SLC12A7: variants seen among roughly 807,000 people sequenced by gnomAD.
The protein encoded by SLC12A7 is K-Cl cotransporter 4.
Under a neutral mutation model 120.6 loss-of-function variants are expected in SLC12A7, and 100 were observed. That is an observed-to-expected ratio of 0.83 (90% CI 0.71 to 0.98). The LOEUF is 0.98. Among genes scored for constraint, SLC12A7 ranks in the 50% least tolerant of loss-of-function variants. The pLI is 0.00. For missense variants in SLC12A7, 1,373 were observed against 1,548.1 expected (o/e 0.89, Z 1.90); for synonymous variants, 760 against 678.0 (o/e 1.12, Z -1.88).
chr5:1,080,419 G>A (rs1403888974), intron 9 of SLC12A7, among the ~76,000 whole-genome samples: 1 of 152,230 alleles, frequency 6.6e-6, no homozygotes, highest in African/African-American at 2.4e-5. Context: ...CCCCTCCATA[G>A]CAAGACGGGC....
chr5:1,116,430 G>T (rs532100034), upstream of SLC12A7, among the ~76,000 whole-genome samples: 19 of 152,336 alleles, frequency 1.2e-4, no homozygotes, highest in Non-Finnish European at 2.1e-4. Flanking sequence ...TACATCCCAT[G>T]GAGCTGAATC....
In SLC12A7 at chr5:1,056,570, G is replaced by C. The variant is rs529295146; in HGVS notation, c.3026+901C>G. 3.0e-6 allele frequency: 3 copies of C among 985,376 alleles called. No homozygotes were observed. In the East Asian group the frequency reaches 3.4e-4, roughly 112 times the overall value. The allele number at this position is 985,376 out of a possible 1,614,324, so 61.0% of individuals were successfully genotyped here. On this transcript the variant is annotated intron_variant, in intron 22 of 23. Coordinates refer to ENST00000264930, the MANE Select transcript of SLC12A7 (RefSeq NM_006598.3). The stretch of plus-strand genomic sequence containing the variant: ...GCCCGGAAGGCGACCTGGTTGTAGC[G>C]AGTGGACTTACAGGTTTCCCCATTC...
rs142474121 is a variant in SLC12A7 at position 1,089,003 on chromosome 5, G to A, written c.468C>T (p.Ile156=). 15 of 1,612,826 alleles carry A rather than the reference G, an allele frequency of 9.3e-6. No individual in the cohort carries two copies. Among genetic ancestry groups the A allele is most frequent in the East Asian group, 2.2e-5 (1 of 44,896 alleles). Reference sequence around the variant, plus strand: ...TCACACATGTGCAGCACATGGCCACGATGAGGAAGGACTCCAGGACACCAG... The same window carrying A: ...TCACACATGTGCAGCACATGGCCACAATGAGGAAGGACTCCAGGACACCAG... ...GVAGVLESFL[I]VAMCCTCTML... The change falls in exon 4 of 24, where the codon ATC becomes ATT. Residue 156 remains isoleucine (I), a synonymous_variant. Transcript: ENST00000264930.
At chr5:1,102,922 G>A (rs1004819020) in intron 1 of SLC12A7, among the ~76,000 whole-genome samples, 3 of 151,898 alleles carry the variant, frequency 2.0e-5, no homozygotes, top group South Asian at 2.1e-4. Context: ...GTGAAGGCGC[G>A]AGGACCCAGG....
chr5:1,057,367 G>C (rs1483168386), intron 22 of SLC12A7, 104 bp downstream of exon 22: 2 of 1,234,080 alleles, frequency 1.6e-6, no homozygotes, highest in Non-Finnish European at 2.2e-6. Flanking sequence ...GGCCTGCAGG[G>C]TTGCCCCGAA....
At chr5:1,125,581 C>T in the SLC12A7 span, among the ~76,000 whole-genome samples, 440 of 152,014 alleles carry the variant, frequency 2.9e-3, 1 homozygote, top group African/African-American at 0.01. Context: ...AATTGGATCC[C>T]AATTACTTTG....
intron 1 of SLC12A7, among the ~76,000 whole-genome samples, chr5:1,099,505 G>GACATCAACCCAGCCCCGA (rs1741780680): frequency 5.3e-5 from 8 of 151,668 alleles, no homozygotes; most frequent in South Asian, 2.1e-4. Context: ...CCGGGGGACG[G>GACATCAACCCAGCCCCGA]CAGGCATCCT....
At chr5:1,054,878 C>T (rs948451592) in intron 22 of SLC12A7, among the ~76,000 whole-genome samples, 1 of 152,222 alleles carries the variant, frequency 6.6e-6, no homozygotes. Flanking sequence ...AAGGGGCTTT[C>T]GTGCCAGGAA....
the SLC12A7 span, among the ~76,000 whole-genome samples, chr5:1,125,622 C>T: frequency 2.0e-5 from 3 of 152,114 alleles, no homozygotes; most frequent in African/African-American, 7.2e-5. Flanking sequence ...ATATATCAAA[C>T]ATGGTTAAAA....
the SLC12A7 span, among the ~76,000 whole-genome samples, chr5:1,132,689 A>G: frequency 6.6e-6 from 1 of 152,094 alleles, no homozygotes; most frequent in Admixed American, 6.6e-5. Flanking sequence ...TAATGTCCCC[A>G]GAACATCTCC....
At chr5:1,053,783 C>T (rs932427019) in intron 22 of SLC12A7, among the ~76,000 whole-genome samples, 2 of 152,256 alleles carry the variant, frequency 1.3e-5, no homozygotes, top group Non-Finnish European at 2.9e-5. Context: ...ACCGCAAGCG[C>T]TTTCCTAACT....
rs1561092159 is a variant in SLC12A7, at chr5:1,093,563, C to T, written c.312G>A (p.Glu104=). ...NLSQGVVEHE[E]DEESRRREAK... ...CCTCCCGCCGCCGGCTCTCCTCGTCCTCCTCGTGCTCCACCACGCCCTGGC... is the reference window on the plus strand; with the variant it reads ...CCTCCCGCCGCCGGCTCTCCTCGTCTTCCTCGTGCTCCACCACGCCCTGGC... The change falls in exon 3 of 24, where the codon GAG becomes GAA. Residue 104 remains glutamate, a synonymous_variant. Coordinates refer to ENST00000264930, the MANE Select transcript of SLC12A7 (RefSeq NM_006598.3). The T allele has an allele frequency of 1.2e-6, 2 of 1,604,878 alleles. No homozygotes were observed. Among genetic ancestry groups the T allele is most frequent in the Non-Finnish European group, 8.5e-7 (1 of 1,176,690 alleles).
intron 1 of SLC12A7, among the ~76,000 whole-genome samples, chr5:1,110,624 C>G (rs781042157): frequency 1.3e-5 from 2 of 152,246 alleles, no homozygotes; most frequent in Non-Finnish European, 2.9e-5. Flanking sequence ...AAAGCTCACA[C>G]AGAAAGACCA....
chr5:1,148,015 C>T, the SLC12A7 span, among the ~76,000 whole-genome samples: 2 of 151,892 alleles, frequency 1.3e-5, no homozygotes, highest in African/African-American at 2.4e-5. Context: ...GATTATGCCT[C>T]GCCTGGCTTT....
At chr5:1,138,257 C>CGGGGT in the SLC12A7 span, among the ~76,000 whole-genome samples, 75 of 152,158 alleles carry the variant, frequency 4.9e-4, no homozygotes, top group African/African-American at 1.7e-3. Flanking sequence ...CCACTGCCGG[C>CGGGGT]GGGGTGGGGC....
chr5:1,151,080 G>C, the SLC12A7 span, among the ~76,000 whole-genome samples: 1 of 152,250 alleles, frequency 6.6e-6, no homozygotes, highest in African/African-American at 2.4e-5. The surrounding 1 kb of genome is among the most constrained non-coding windows in gnomAD (Gnocchi z 6.2). Context: ...GAGCCTCACT[G>C]CTGTGCCAGC....
intron 13 of SLC12A7, among the ~76,000 whole-genome samples, chr5:1,076,473 G>A (rs553772484): frequency 7.5e-5 from 7 of 93,080 alleles, no homozygotes; most frequent in East Asian, 4.0e-4. Flanking sequence ...CCCAGCAGCC[G>A]TCTGTCCAGC....
At chr5:1,066,116 A>G (rs542251453) in intron 17 of SLC12A7, among the ~76,000 whole-genome samples, 1 of 152,102 alleles carries the variant, frequency 6.6e-6, no homozygotes, top group East Asian at 1.9e-4. Flanking sequence ...CAGGCCTCCC[A>G]CCCTCTGACC....
At chr5:1,144,973 G>A in the SLC12A7 span, among the ~76,000 whole-genome samples, 10 of 152,268 alleles carry the variant, frequency 6.6e-5, no homozygotes, top group African/African-American at 9.6e-5. Context: ...GAGGAAGGAA[G>A]TGCAGCACCC....
Sources: allele counts gnomAD v4.1 joint callset (sites outside exome capture counted in the v4.1 genomes callset), GRCh38; gene constraint gnomAD v4.1.1; non-coding constraint Gnocchi (gnomAD v3.1); transcripts MANE v1.5; gene names NCBI Gene and HGNC (gene_info 2026-07-23, HGNC 2026-07-21).